The following UNC93A variants were observed in gnomAD, a reference collection of about 807,000 sequenced individuals.
UNC93A encodes the protein unc-93 homolog A.
In UNC93A, 43 loss-of-function variants were observed where a neutral mutation model predicts 47.5. The observed-to-expected ratio is 0.91, with a 90% confidence interval of 0.71 to 1.17. The LOEUF (loss-of-function observed/expected upper bound fraction) is 1.17, where lower values mean the gene tolerates loss of function less well. Ranked by LOEUF, UNC93A falls within the 50% of genes most tolerant of loss-of-function variation. The pLI, the probability that UNC93A is intolerant of heterozygous loss-of-function variation, is 0.00. For synonymous variants in UNC93A, 280 were observed against 258.0 expected, an observed-to-expected ratio of 1.09 and a Z score of -0.82; for missense variants, 605 against 577.6, an observed-to-expected ratio of 1.05 and a Z score of -0.49.
At chr6:167,306,074 C>T in intron 6 of UNC93A, 24 bp downstream of exon 6, 1 of 1,612,898 alleles carries the variant, frequency 6.2e-7, no homozygotes, top group Non-Finnish European at 8.5e-7. Context: ...TGGGTCCCAT[C>T]CCAGCTGTCA....
rs139616886 is a variant in UNC93A, at chr6:167,307,115, T to C, written c.977-664T>C. On this transcript the variant is annotated intron_variant, in intron 6 of 7. Transcript: ENST00000230256. ...TCGGAAAGGTGCTGGGATGCTTCAA[T>C]TTATACCTAATGAGAAGGCCCTTCT... Among the ~76,000 whole-genome samples, 558 of 152,270 alleles carry C rather than the reference T, an allele frequency of 3.7e-3. 5 individuals carry two copies. Among genetic ancestry groups the C allele is most frequent in the African/African-American group, 0.013 (526 of 41,540 alleles).
chr6:167,315,166 A>G (rs1778656281), intron 7 of UNC93A, 21 bp from the exon 8 acceptor site: 1 of 1,612,536 alleles, frequency 6.2e-7, no homozygotes, highest in Non-Finnish European at 8.5e-7. Flanking sequence ...CAGAGCTCTC[A>G]CTCCGCTCTC....
chr6:167,286,471 G>C (rs1357457723), upstream of UNC93A, among the ~76,000 whole-genome samples: 1 of 152,222 alleles, frequency 6.6e-6, no homozygotes, highest in East Asian at 1.9e-4. Flanking sequence ...GAAGCCACGC[G>C]CTGCAATAGC....
intron 7 of UNC93A, among the ~76,000 whole-genome samples, chr6:167,308,414 T>C (rs989378173): frequency 6.6e-6 from 1 of 152,008 alleles, no homozygotes; most frequent in Non-Finnish European, 1.5e-5. Flanking sequence ...TGGACGGGGC[T>C]CTGGGGCATC....
chr6:167,298,244 G>A (rs767231372), intron 4 of UNC93A, 174 bp downstream of exon 4: 5 of 1,026,200 alleles, frequency 4.9e-6, no homozygotes, highest in Non-Finnish European at 6.8e-6. Flanking sequence ...TGAATCAAAT[G>A]CAGTACACCC....
chr6:167,288,782 A>G (rs989051084), upstream of UNC93A, among the ~76,000 whole-genome samples: 1 of 152,230 alleles, frequency 6.6e-6, no homozygotes, highest in Non-Finnish European at 1.5e-5. Flanking sequence ...GTGATTCTAC[A>G]GCATGAAGAA....
At chr6:167,304,973 C>T (rs117063909) in intron 5 of UNC93A, among the ~76,000 whole-genome samples, 242 of 152,264 alleles carry the variant, frequency 1.6e-3, no homozygotes, top group Admixed American at 2.9e-3. Flanking sequence ...GTGAGAGAGG[C>T]GGTGCCCCAC....
chr6:167,286,831 A>G (rs1249981341), upstream of UNC93A, among the ~76,000 whole-genome samples: 2 of 151,940 alleles, frequency 1.3e-5, no homozygotes, highest in African/African-American at 4.8e-5. Flanking sequence ...ACAAAAAATT[A>G]GCTGGGTGTG....
intron 6 of UNC93A, 123 bp downstream of exon 6, chr6:167,306,173 C>T (rs1778386022): frequency 4.6e-6 from 6 of 1,297,900 alleles, no homozygotes; most frequent in Non-Finnish European, 6.4e-6. Context: ...CAGTAACGCC[C>T]TGTAAGATGC....
chr6:167,284,828 G>A (rs1234129095), intron 1 of UNC93A, among the ~76,000 whole-genome samples: 30 of 150,186 alleles, frequency 2.0e-4, no homozygotes, highest in Non-Finnish European at 1.3e-4. Flanking sequence ...TTGCCAAATC[G>A]TGGCTGCTTG....
At chr6:167,294,728 A>G in intron 2 of UNC93A, 30 bp downstream of exon 2, 1 of 1,292,878 alleles carries the variant, frequency 7.7e-7, no homozygotes, top group Non-Finnish European at 1.0e-6. Flanking sequence ...TGCCCACCCC[A>G]CCCCGGCCGT....
intron 7 of UNC93A, among the ~76,000 whole-genome samples, chr6:167,311,359 C>T (rs1778551497): frequency 6.6e-6 from 1 of 152,212 alleles, no homozygotes; most frequent in Admixed American, 6.5e-5. Flanking sequence ...TTGAGGATCC[C>T]TGGCTCACTG....
upstream of UNC93A, among the ~76,000 whole-genome samples, chr6:167,291,101 G>A (rs1161343138): frequency 6.6e-5 from 10 of 152,132 alleles, no homozygotes; most frequent in Non-Finnish European, 5.9e-5. Context: ...TACTGTGGAA[G>A]GTTCTATTCT....
intron 4 of UNC93A, among the ~76,000 whole-genome samples, chr6:167,299,462 G>A (rs1024464910): frequency 1.3e-5 from 2 of 152,156 alleles, no homozygotes; most frequent in Non-Finnish European, 1.5e-5. Context: ...CACTTGTAAA[G>A]CTATCGCTGG....
chr6:167,296,102 T>C lies in UNC93A; in HGVS notation c.340T>C (p.Tyr114His), dbSNP rs1261603258. The change falls in exon 3 of 8, where the codon TAC (tyrosine) becomes CAC (histidine). Residue 114 changes from tyrosine to histidine, a missense_variant. By Grantham distance (83) the Tyr-to-His change is moderately conservative. Transcript: ENST00000230256. Reference protein sequence around the residue: ...AAPLWSAQCTYLTITGNTHAE... With the variant: ...AAPLWSAQCTHLTITGNTHAE... ...CCCGCTGTGGTCTGCACAGTGCACA[T>C]ACCTCACGATCACGGGAAACACACA... The C allele has an allele frequency of 6.2e-7, 1 of 1,614,098 alleles. No individual in the cohort carries two copies. The highest frequency in any genetic ancestry group is 1.3e-5 in the African/African-American group (1 of 74,924).
intron 2 of UNC93A, among the ~76,000 whole-genome samples, chr6:167,295,120 G>A (rs1373093722): frequency 6.6e-6 from 1 of 152,142 alleles, no homozygotes; most frequent in African/African-American, 2.4e-5. Context: ...GTATGGCCAG[G>A]GCAGGTCACA....
chr6:167,308,701 C>A (rs890589996), intron 7 of UNC93A, among the ~76,000 whole-genome samples: 5 of 151,488 alleles, frequency 3.3e-5, no homozygotes, highest in African/African-American at 1.2e-4. Flanking sequence ...GTGGGGCCAG[C>A]ATGTGGGGGA....
At chr6:167,301,704 T>C (rs1184917785) in intron 4 of UNC93A, among the ~76,000 whole-genome samples, 2 of 152,090 alleles carry the variant, frequency 1.3e-5, no homozygotes, top group African/African-American at 2.4e-5. Context: ...TTCGGGGAGA[T>C]TGTAGGTTGT....
At chr6:167,314,317 T>C (rs1778632496) in intron 7 of UNC93A, among the ~76,000 whole-genome samples, 2 of 152,174 alleles carry the variant, frequency 1.3e-5, no homozygotes. Context: ...GCTGGCAGTC[T>C]GGAATCCTCC....
Sources: gnomAD v4.1 joint callset for allele counts (sites outside exome capture counted in the v4.1 genomes callset) on GRCh38, gnomAD v4.1.1 for gene constraint, MANE v1.5 for transcripts, NCBI Gene and HGNC (gene_info 2026-07-23, HGNC 2026-07-21) for gene names.